The following NALF1 variants were observed in gnomAD, a reference collection of about 807,000 sequenced individuals.
NALF1 encodes family with sequence similarity 155 member A.
NALF1 carries 3 observed loss-of-function variants against 48.4 expected under a neutral mutation model. That is an observed-to-expected ratio of 0.06 (90% CI 0.03 to 0.16). The LOEUF (loss-of-function observed/expected upper bound fraction) is 0.16. NALF1 is among the 10% of genes least tolerant of loss of function. The pLI, the probability that NALF1 is intolerant of heterozygous loss-of-function variation, is 1.00. For missense variants in NALF1, 526 were observed against 571.5 expected (o/e 0.92, Z 0.81); for synonymous variants, 262 against 245.7 (o/e 1.07, Z -0.62).
chr13:107,688,147 C>A (rs1881481995), intron 1 of NALF1, among the ~76,000 whole-genome samples: 1 of 152,138 alleles, frequency 6.6e-6, no homozygotes, highest in African/African-American at 2.4e-5. Context: ...ATTCTCTTAT[C>A]ATTTTCACTT....
At chr13:107,694,979 G>A (rs1276409362) in intron 1 of NALF1, among the ~76,000 whole-genome samples, 1 of 152,036 alleles carries the variant, frequency 6.6e-6, no homozygotes, top group Non-Finnish European at 1.5e-5. Context: ...TTTTAGCAGA[G>A]ACGGGGTTTC....
chr13:107,489,878 T>C (rs751747150), intron 1 of NALF1, among the ~76,000 whole-genome samples: 7 of 152,124 alleles, frequency 4.6e-5, no homozygotes, highest in Non-Finnish European at 7.4e-5. Flanking sequence ...TATAAGAAGC[T>C]TAAATAAATT....
intron 1 of NALF1, among the ~76,000 whole-genome samples, chr13:107,429,568 TAAAC>T (rs1884340445): frequency 1.3e-5 from 2 of 152,238 alleles, no homozygotes; most frequent in Non-Finnish European, 2.9e-5. Context: ...TAGTGTTTGA[TAAAC>T]TAACTAATAT....
At chr13:107,429,813 T>A (rs183555077) in intron 1 of NALF1, among the ~76,000 whole-genome samples, 1 of 152,226 alleles carries the variant, frequency 6.6e-6, no homozygotes, top group Non-Finnish European at 1.5e-5. Flanking sequence ...AAATTCAATC[T>A]ATAAATACAT....
chr13:107,440,534 G>T (rs911528186), intron 1 of NALF1, among the ~76,000 whole-genome samples: 2 of 152,142 alleles, frequency 1.3e-5, no homozygotes, highest in African/African-American at 4.8e-5. Context: ...TAATGTTTGC[G>T]CTGAGTTTTG....
At chr13:107,204,298 C>G (rs11841813) in intron 2 of NALF1, among the ~76,000 whole-genome samples, 2,830 of 152,332 alleles carry the variant, frequency 0.019, 108 homozygotes, top group African/African-American at 0.064. Flanking sequence ...TGCCGCTCCG[C>G]AAGCACCACC....
At chr13:107,846,506 TAGCA>T (rs1880175938) in intron 1 of NALF1, among the ~76,000 whole-genome samples, 1 of 152,180 alleles carries the variant, frequency 6.6e-6, no homozygotes, top group Non-Finnish European at 1.5e-5. Context: ...CCACTCTCCC[TAGCA>T]AAACCATACA....
intron 2 of NALF1, among the ~76,000 whole-genome samples, chr13:107,196,134 A>G (rs1048625334): frequency 6.6e-6 from 1 of 152,168 alleles, no homozygotes; most frequent in African/African-American, 2.4e-5. Context: ...AACAACACAC[A>G]TTGATGTCTT....
chr13:107,418,895 G>T (rs927623077), intron 1 of NALF1, among the ~76,000 whole-genome samples: 2 of 152,124 alleles, frequency 1.3e-5, no homozygotes. Flanking sequence ...TCTTAACTTT[G>T]TTCCAGAAAA....
At chr13:107,399,099 G>A (rs918035051) in intron 1 of NALF1, among the ~76,000 whole-genome samples, 6 of 152,096 alleles carry the variant, frequency 3.9e-5, no homozygotes, top group Non-Finnish European at 7.4e-5. Context: ...TGTGCGCACC[G>A]TATTTACTGT....
rs1188063112 is a variant in NALF1, at chr13:107,166,589, A to G, written c.*3908T>C. ...ATGTAAATCATGCTTCAGACTGGTT[A>G]ACGTTTTTGATGTTGTTCAGATATC... On this transcript the variant is annotated 3_prime_UTR_variant, in exon 3 of 3. Coordinates refer to ENST00000375915, the MANE Select transcript of NALF1 (RefSeq NM_001080396.3). 1 of 152,190 alleles carries G rather than the reference A, an allele frequency of 6.6e-6. No homozygotes were observed. Among genetic ancestry groups the G allele is most frequent in the Non-Finnish European group, 1.5e-5 (1 of 68,034 alleles). The allele number at this position is 152,190 out of a possible 1,614,324, so 9.4% of individuals were successfully genotyped here. A position where few individuals can be genotyped will look rare whatever the true frequency, so the allele number is the denominator to read the frequency against.
At chr13:107,425,930 G>A (rs1324113518) in intron 1 of NALF1, among the ~76,000 whole-genome samples, 3 of 152,070 alleles carry the variant, frequency 2.0e-5, no homozygotes, top group Non-Finnish European at 4.4e-5. Flanking sequence ...GATATTAAAT[G>A]TCTCTGTACT....
chr13:107,727,537 C>T (rs1181438855), intron 1 of NALF1, among the ~76,000 whole-genome samples: 1 of 152,048 alleles, frequency 6.6e-6, no homozygotes, highest in Admixed American at 6.5e-5. Flanking sequence ...ACAGTCCTTG[C>T]TTTTGGCACC....
At chr13:107,551,608 T>A (rs983191085) in intron 1 of NALF1, among the ~76,000 whole-genome samples, 1 of 152,124 alleles carries the variant, frequency 6.6e-6, no homozygotes, top group Non-Finnish European at 1.5e-5. Flanking sequence ...CTGTCAAGAT[T>A]GACGGTTGGG....
Position 107,866,255 on chromosome 13 carries a change from C to A in NALF1, c.342G>T (p.Ser114=), listed in dbSNP as rs776138053. Residue 114 remains serine, a synonymous_variant, in exon 1 of 3, where the codon TCG becomes TCT. Transcript: ENST00000375915. The surrounding 1 kb of genome is among the most constrained non-coding windows in gnomAD (Gnocchi z 4.4). ...GGAGTCTGTGTGCCTGGGCGGCGGGCGAGGACTCCCCCATGCTCGCCAGGA... is the reference window on the plus strand; with the variant it reads ...GGAGTCTGTGTGCCTGGGCGGCGGGAGAGGACTCCCCCATGCTCGCCAGGA... The part of the protein sequence containing the change: ...PALLASMGES[S]PAAQAHRLLS... The A allele has an allele frequency of 5.7e-6, 9 of 1,592,818 alleles. No individual in the cohort carries two copies. Among genetic ancestry groups the A allele is most frequent in the Middle Eastern group, 2.0e-4 (1 of 5,116 alleles).
At chr13:107,391,181 G>C (rs1883620945) in intron 1 of NALF1, among the ~76,000 whole-genome samples, 1 of 152,060 alleles carries the variant, frequency 6.6e-6, no homozygotes, top group Non-Finnish European at 1.5e-5. Flanking sequence ...TAAAGTCCAA[G>C]ATGGGTCCCT....
chr13:107,766,950 T>C (rs1877432795), intron 1 of NALF1, among the ~76,000 whole-genome samples: 1 of 152,140 alleles, frequency 6.6e-6, no homozygotes, highest in African/African-American at 2.4e-5. Flanking sequence ...TAAAATTTTA[T>C]TTTATATTAT....
chr13:107,381,249 G>T, intron 1 of NALF1, among the ~76,000 whole-genome samples: 1 of 150,040 alleles, frequency 6.7e-6, no homozygotes. Flanking sequence ...TGCCCAGGCT[G>T]GAGTGCAGTG....
intron 1 of NALF1, among the ~76,000 whole-genome samples, chr13:107,279,043 C>CTTTTTTTTTTTT (rs200133690): frequency 3.3e-5 from 4 of 122,940 alleles, no homozygotes; most frequent in Non-Finnish European, 4.9e-5. Context: ...TTCTTTTCTT[C>CTTTTTTTTTTTT]TTTTTTTTTT....
Sources: allele counts gnomAD v4.1 joint callset (sites outside exome capture counted in the v4.1 genomes callset), GRCh38; gene constraint gnomAD v4.1.1; non-coding constraint Gnocchi (gnomAD v3.1); transcripts MANE v1.5; gene names NCBI Gene and HGNC (gene_info 2026-07-23, HGNC 2026-07-21).